Variants in RABGAP1L observed in about 807,000 individuals in gnomAD.
RABGAP1L encodes RAB GTPase activating protein 1 like, also known as rab GTPase-activating protein 1-like.
In RABGAP1L, 63 loss-of-function variants were observed where a neutral mutation model predicts 137.7. The ratio of observed to expected loss-of-function variants is 0.46; its 90% CI spans 0.37 to 0.56. The LOEUF is 0.56. Ranked by LOEUF, RABGAP1L falls within the 20% of genes least tolerant of loss-of-function variation. RABGAP1L has a pLI of 0.00. For synonymous variants in RABGAP1L, 431 were observed against 433.7 expected (o/e 0.99, Z 0.08); for missense variants, 1,095 against 1,244.0 (o/e 0.88, Z 1.80).
chr1:174,328,952 C>T (rs1233639540), intron 11 of RABGAP1L, among the ~76,000 whole-genome samples: 1 of 150,228 alleles, frequency 6.7e-6, no homozygotes, highest in African/African-American at 2.5e-5. Context: ...ACTAACACGT[C>T]TCAAGGAACT....
intron 11 of RABGAP1L, among the ~76,000 whole-genome samples, chr1:174,357,974 G>A (rs1017428645): frequency 2.0e-5 from 3 of 152,188 alleles, no homozygotes; most frequent in Non-Finnish European, 2.9e-5. Flanking sequence ...TACTGTTATC[G>A]TCCCCATGTT....
Position 174,995,006 on chromosome 1 carries a change from CAATT to C in RABGAP1L, c.*5007_*5010del, listed in dbSNP as rs779652609. The C allele has an allele frequency of 1.3e-5, 2 of 152,210 alleles. No individual in the cohort carries two copies. Among genetic ancestry groups the C allele is most frequent in the Non-Finnish European group, 2.9e-5 (2 of 68,032 alleles). 9.4% of individuals were successfully genotyped at this position (152,210 alleles called of 1,614,324 possible). A position where few individuals can be genotyped will look rare whatever the true frequency, so the allele number is the denominator to read the frequency against. On this transcript the variant is annotated 3_prime_UTR_variant, in exon 26 of 26. Coordinates refer to ENST00000681986, the MANE Select transcript of RABGAP1L (RefSeq NM_001366446.1). ...AGCCTCTTCCTCTATAAACAATGAC[CAATT>C]AGACGTTTCCGTAATTCCATGTATT...
intron 20 of RABGAP1L, among the ~76,000 whole-genome samples, chr1:174,966,016 T>C (rs1176495653): frequency 1.3e-5 from 2 of 152,244 alleles, no homozygotes; most frequent in African/African-American, 4.8e-5. Context: ...ATATAACAGA[T>C]AATCCATCAG....
At chr1:174,727,587 A>G (rs974974727) in intron 17 of RABGAP1L, among the ~76,000 whole-genome samples, 5 of 152,228 alleles carry the variant, frequency 3.3e-5, no homozygotes, top group African/African-American at 7.2e-5. Flanking sequence ...TTAGAAAGAA[A>G]GAACAAGTTC....
In RABGAP1L at chr1:174,532,453, C is replaced by T. The variant is rs541736042; in HGVS notation, c.1711-104922C>T. On this transcript the variant is annotated intron_variant, in intron 13 of 25. Coordinates refer to ENST00000681986, the MANE Select transcript of RABGAP1L (RefSeq NM_001366446.1). ...TGAACTCCTGACCTCATGATCCACC[C>T]GCCTCGGCCTTCCAAAGTGCTGGGA... Among the ~76,000 whole-genome samples the T allele has an allele frequency of 4.0e-3, 605 of 152,152 alleles. 2 individuals carry two copies. The highest frequency in any genetic ancestry group is 6.9e-3 in the Non-Finnish European group (470 of 67,994).
chr1:174,746,835 A>G (rs1480010142), intron 17 of RABGAP1L, among the ~76,000 whole-genome samples: 1 of 152,244 alleles, frequency 6.6e-6, no homozygotes, highest in Non-Finnish European at 1.5e-5. Context: ...GGGATGAAAT[A>G]GGGACATGCC....
At chr1:174,201,360 C>T (rs1668085814) in intron 1 of RABGAP1L, among the ~76,000 whole-genome samples, 1 of 151,564 alleles carries the variant, frequency 6.6e-6, no homozygotes, top group Non-Finnish European at 1.5e-5. Context: ...CCACACCCGG[C>T]TAATTTTTGT....
chr1:174,926,185 A>G (rs78167602), intron 19 of RABGAP1L, among the ~76,000 whole-genome samples: 17,645 of 151,906 alleles, frequency 0.12, 1,358 homozygotes, highest in South Asian at 0.17. Flanking sequence ...CACAGTTTCA[A>G]TTAGTAAAAC....
At chr1:174,481,890 A>T (rs1051700213) in intron 13 of RABGAP1L, among the ~76,000 whole-genome samples, 1 of 148,674 alleles carries the variant, frequency 6.7e-6, no homozygotes, top group African/African-American at 2.5e-5. Context: ...ATAAAAAAAA[A>T]AAGAAAAAAA....
At chr1:174,328,102 A>G (rs1186107918) in intron 11 of RABGAP1L, among the ~76,000 whole-genome samples, 1 of 149,836 alleles carries the variant, frequency 6.7e-6, no homozygotes, top group Non-Finnish European at 1.5e-5. Context: ...CAGTAATAGT[A>G]GGGAATTTCA....
In RABGAP1L at chr1:174,204,978, A is replaced by G. The variant is rs368700877; in HGVS notation, c.-33-14147A>G. 8.0e-4 allele frequency among the ~76,000 whole-genome samples: 122 copies of G among 152,318 alleles called. 5 individuals are homozygous for G. In the South Asian group the frequency reaches 0.025, roughly 31 times the overall value. ...AGTCAGTGAAATCTCCTTTCTTCAT[A>G]AATTACCCAGTCATGGGTAGTTCTT... On this transcript the variant is annotated intron_variant, in intron 1 of 25. Coordinates refer to ENST00000681986, the MANE Select transcript of RABGAP1L (RefSeq NM_001366446.1).
chr1:174,174,507 G>A (rs916988468), intron 1 of RABGAP1L, among the ~76,000 whole-genome samples: 1 of 152,174 alleles, frequency 6.6e-6, no homozygotes, highest in Non-Finnish European at 1.5e-5. Context: ...GTGATAGGCC[G>A]TCTGCAAACT....
intron 14 of RABGAP1L, among the ~76,000 whole-genome samples, chr1:174,639,135 G>A (rs1254833074): frequency 6.6e-6 from 1 of 150,952 alleles, no homozygotes; most frequent in Non-Finnish European, 1.5e-5. Context: ...TTGCATGTTG[G>A]TGGTTTTGGC....
intron 13 of RABGAP1L, among the ~76,000 whole-genome samples, chr1:174,588,654 A>C (rs1172829655): frequency 1.3e-5 from 2 of 152,048 alleles, no homozygotes; most frequent in Admixed American, 6.6e-5. Flanking sequence ...CTCCATCTCC[A>C]TGAATTAATT....
chr1:174,364,741 G>C (rs1357015993), intron 11 of RABGAP1L, among the ~76,000 whole-genome samples: 2 of 152,132 alleles, frequency 1.3e-5, no homozygotes, highest in South Asian at 4.2e-4. Context: ...ATTGTGCTGG[G>C]TCACCCCTGA....
chr1:174,436,513 T>C (rs977927740), intron 13 of RABGAP1L, among the ~76,000 whole-genome samples: 5 of 152,228 alleles, frequency 3.3e-5, no homozygotes, highest in Non-Finnish European at 5.9e-5. Context: ...TTTGTTTTTT[T>C]CTTGTAAATT....
intron 14 of RABGAP1L, among the ~76,000 whole-genome samples, chr1:174,662,105 T>TTTTC (rs1676419810): frequency 9.1e-6 from 1 of 110,092 alleles, no homozygotes; most frequent in East Asian, 2.0e-4. Flanking sequence ...TTCTTTTCTT[T>TTTTC]TTTTTTTTTT....
chr1:174,692,265 A>G (rs1477562100), intron 15 of RABGAP1L, among the ~76,000 whole-genome samples: 1 of 152,184 alleles, frequency 6.6e-6, no homozygotes, highest in Non-Finnish European at 1.5e-5. Context: ...GGGGGGTACA[A>G]CATTAAAGTG....
intron 12 of RABGAP1L, among the ~76,000 whole-genome samples, chr1:174,392,840 G>C (rs1173345341): frequency 6.6e-6 from 1 of 152,186 alleles, no homozygotes; most frequent in African/African-American, 2.4e-5. Context: ...AGCCTGGGGT[G>C]TTAGATCAAA....
Sources: allele counts gnomAD v4.1 joint callset (sites outside exome capture counted in the v4.1 genomes callset), GRCh38; gene constraint gnomAD v4.1.1; transcripts MANE v1.5; gene names NCBI Gene and HGNC (gene_info 2026-07-23, HGNC 2026-07-21).